Variants in LAMA2 observed in about 807,000 individuals in gnomAD.
LAMA2 encodes the protein laminin subunit alpha-2.
LAMA2 carries 269 observed loss-of-function variants against 364.8 expected under a neutral mutation model. That is an observed-to-expected ratio of 0.74 (90% confidence interval 0.67 to 0.82). LAMA2 has a LOEUF of 0.82. Among genes scored for constraint, LAMA2 ranks in the 40% least tolerant of loss-of-function variants. LAMA2 has a pLI of 0.00. For synonymous variants in LAMA2, 1,379 were observed against 1,370.6 expected, an observed-to-expected ratio of 1.01 and a Z score of -0.14; for missense variants, 3,807 against 3,873.2, an observed-to-expected ratio of 0.98 and a Z score of 0.45.
At chr6:128,889,603 C>T (rs146712611) in intron 1 of LAMA2, among the ~76,000 whole-genome samples, 1 of 151,768 alleles carries the variant, frequency 6.6e-6, no homozygotes, top group Admixed American at 6.6e-5. Flanking sequence ...TTCCTTTTCC[C>T]TTAGTATTCT....
At chr6:129,473,482 A>G (rs1056884846) in intron 52 of LAMA2, 130 bp downstream of exon 52, 10 of 818,888 alleles carry the variant, frequency 1.2e-5, no homozygotes, top group Non-Finnish European at 2.0e-5. Flanking sequence ...CCTAATCAAA[A>G]ACATCATGTT....
At chr6:129,436,785 A>C (rs1233235696) in intron 41 of LAMA2, 1 of 152,086 alleles carries the variant, frequency 6.6e-6, no homozygotes, top group Non-Finnish European at 1.5e-5. Flanking sequence ...CTTTATGATA[A>C]TCTTGAGTGC....
intron 1 of LAMA2, among the ~76,000 whole-genome samples, chr6:128,912,620 G>A (rs1189425076): frequency 6.6e-6 from 1 of 152,160 alleles, no homozygotes. Flanking sequence ...ATGTGTCAAT[G>A]CATTTTGAAT....
chr6:129,265,891 T>A (rs17057029), intron 15 of LAMA2, among the ~76,000 whole-genome samples: 24,089 of 151,996 alleles, frequency 0.16, 2,009 homozygotes, highest in South Asian at 0.23. Context: ...AATTTGACAC[T>A]TTTTTTGGTA....
chr6:129,335,968 T>C (rs994891709), intron 29 of LAMA2, among the ~76,000 whole-genome samples: 5 of 152,184 alleles, frequency 3.3e-5, no homozygotes, highest in Non-Finnish European at 7.3e-5. Context: ...AGGGGTCATG[T>C]ATGGAAAACA....
At chr6:129,344,543 C>T (rs979593548) in intron 30 of LAMA2, among the ~76,000 whole-genome samples, 9 of 152,046 alleles carry the variant, frequency 5.9e-5, no homozygotes, top group Non-Finnish European at 1.0e-4. Context: ...CAAATAGCTG[C>T]AGGAAATGGA....
intron 49 of LAMA2, among the ~76,000 whole-genome samples, chr6:129,462,449 A>C (rs1343418701): frequency 6.6e-6 from 1 of 151,866 alleles, no homozygotes; most frequent in Non-Finnish European, 1.5e-5. Context: ...GTCATTGTGC[A>C]TTTTTGCCCC....
chr6:129,384,224 T>C (rs1315110731), intron 35 of LAMA2, among the ~76,000 whole-genome samples: 3 of 152,336 alleles, frequency 2.0e-5, no homozygotes, highest in South Asian at 4.1e-4. Context: ...TGGTTTATCC[T>C]CTGCTAGATG....
At chr6:129,409,257 C>T (rs1780401903) in intron 40 of LAMA2, among the ~76,000 whole-genome samples, 1 of 152,156 alleles carries the variant, frequency 6.6e-6, no homozygotes, top group South Asian at 2.1e-4. Flanking sequence ...CTTGCAGAAT[C>T]ATCTGTGAAC....
At chr6:129,222,758 T>C (rs1290700822) in intron 12 of LAMA2, among the ~76,000 whole-genome samples, 2 of 152,054 alleles carry the variant, frequency 1.3e-5, no homozygotes, top group Admixed American at 6.6e-5. Context: ...GACATTTGGG[T>C]TGGTTCCAAG....
At chr6:129,321,428 C>T (rs1308714033) in intron 28 of LAMA2, among the ~76,000 whole-genome samples, 3 of 152,132 alleles carry the variant, frequency 2.0e-5, no homozygotes, top group Non-Finnish European at 4.4e-5. Context: ...GAGTAACTAC[C>T]ACTACACTTT....
intron 51 of LAMA2, among the ~76,000 whole-genome samples, chr6:129,472,420 G>C (rs1270394899): frequency 6.6e-6 from 1 of 151,902 alleles, no homozygotes. Context: ...ATGTAATTCA[G>C]AAAAAGCCTA....
chr6:129,223,784 C>T lies in LAMA2; in HGVS notation c.1783-26328C>T, dbSNP rs181133948. ...TTTGAAGTCAGGTAGCATGATGCCT[C>T]CAGCTTTGTTCTTTTGGCTTAGGAT... On this transcript the variant is annotated intron_variant, in intron 12 of 64. Transcript: ENST00000421865. Among the ~76,000 whole-genome samples the T allele has an allele frequency of 1.7e-3, 261 of 152,298 alleles. 7 individuals carry two copies. The East Asian group carries it at 0.041, about 24-fold the overall frequency.
At chr6:129,070,484 T>C (rs1010814955) in intron 3 of LAMA2, among the ~76,000 whole-genome samples, 1 of 152,114 alleles carries the variant, frequency 6.6e-6, no homozygotes, top group African/African-American at 2.4e-5. Flanking sequence ...TGGACATTAA[T>C]ATTTCTATGG....
At position 129,413,735 on chromosome 6, in the gene LAMA2, C is replaced by T. The variant is rs76128531; in HGVS notation, c.5865+9776C>T. Among the ~76,000 whole-genome samples the T allele has an allele frequency of 7.9e-3, 1,198 of 152,206 alleles. 13 individuals are homozygous for T. The highest frequency in any genetic ancestry group is 0.028 in the African/African-American group (1,153 of 41,534). On this transcript the variant is annotated intron_variant, in intron 40 of 64. Coordinates refer to ENST00000421865, the MANE Select transcript of LAMA2 (RefSeq NM_000426.4). ...TAATAACAGAATGGAAATAAAATTT[C>T]ACCTCAAAATTTGTGTGTGCAAATA...
At chr6:129,395,696 C>T (rs539949917) in intron 37 of LAMA2, among the ~76,000 whole-genome samples, 2 of 152,146 alleles carry the variant, frequency 1.3e-5, no homozygotes, top group Non-Finnish European at 2.9e-5. Flanking sequence ...TTATCACAGG[C>T]GTAAGCAAAG....
intron 32 of LAMA2, among the ~76,000 whole-genome samples, chr6:129,353,954 C>T (rs1050898305): frequency 2.6e-5 from 4 of 152,108 alleles, no homozygotes; most frequent in African/African-American, 9.7e-5. Context: ...ATTCTGGATT[C>T]GCTAGTGCCA....
rs1205783002 is a variant in LAMA2 at position 129,492,417 on chromosome 6, AAT to A, written c.8180_8181del (p.Ile2727SerfsTer5). ...EDEDGAAPAE[I>X]VIQPEPVPTP... is the part of the protein sequence containing the mutation. ...ATGAAGATGGAGCAGCTCCAGCTGA[AAT>A]AGTTATCCAGCCTGAGCCAGTTCCC... On this transcript the variant is annotated frameshift_variant, in exon 58 of 65. Transcript: ENST00000421865. LOFTEE classifies it high-confidence loss of function. The A allele has an allele frequency of 3.7e-6, 6 of 1,614,046 alleles. No individual in the cohort carries two copies. Among genetic ancestry groups the A allele is most frequent in the Non-Finnish European group, 5.1e-6 (6 of 1,180,004 alleles).
chr6:129,412,783 G>A (rs1780599461), intron 40 of LAMA2, among the ~76,000 whole-genome samples: 1 of 152,116 alleles, frequency 6.6e-6, no homozygotes, highest in Non-Finnish European at 1.5e-5. Flanking sequence ...AGGCAGGGAA[G>A]AGAAAAAATG....
Sources: gnomAD v4.1 joint callset for allele counts (sites outside exome capture counted in the v4.1 genomes callset) on GRCh38, gnomAD v4.1.1 for gene constraint, MANE v1.5 for transcripts, NCBI Gene and HGNC (gene_info 2026-07-23, HGNC 2026-07-21) for gene names.